The following OPCML variants were observed in gnomAD, a reference collection of about 807,000 sequenced individuals.
OPCML encodes opioid binding protein/cell adhesion molecule like.
A neutral mutation model predicts 37.8 loss-of-function variants in OPCML; 13 were observed. The observed-to-expected ratio is 0.34, with a 90% CI of 0.22 to 0.55. OPCML has a LOEUF of 0.55. Ranked by LOEUF, OPCML falls within the 20% of genes least tolerant of loss-of-function variation. OPCML has a pLI of 0.91. For missense variants in OPCML, 341 were observed against 435.6 expected, an observed-to-expected ratio of 0.78 and a Z score of 1.93; for synonymous variants, 176 against 168.8, an observed-to-expected ratio of 1.04 and a Z score of -0.33.
chr11:133,281,208 C>A (rs1177150611), intron 1 of OPCML, among the ~76,000 whole-genome samples: 1 of 152,172 alleles, frequency 6.6e-6, no homozygotes, highest in Non-Finnish European at 1.5e-5. Flanking sequence ...ATATTTGTCG[C>A]CTCCAAACCT....
In OPCML at chr11:132,436,246, G is replaced by A. The variant is rs549271340; in HGVS notation, c.765-9C>T. Reference sequence around the variant, plus strand: ...CCAGACCAGTGGCTAACCTGCAAGAGGGAAGACATTGCTATCAATTCATTC... The same window carrying A: ...CCAGACCAGTGGCTAACCTGCAAGAAGGAAGACATTGCTATCAATTCATTC... On this transcript the variant is annotated splice_polypyrimidine_tract_variant and intron_variant, in intron 6 of 7. Coordinates refer to ENST00000524381, the MANE Select transcript of OPCML (RefSeq NM_001012393.5). 1 of 1,614,146 alleles carries A rather than the reference G, an allele frequency of 6.2e-7. No individual in the cohort carries two copies. The highest frequency in any genetic ancestry group is 1.1e-5 in the South Asian group (1 of 91,068).
chr11:132,626,623 C>T (rs530839846), intron 3 of OPCML, among the ~76,000 whole-genome samples: 6 of 151,872 alleles, frequency 4.0e-5, no homozygotes, highest in Non-Finnish European at 7.4e-5. Flanking sequence ...CGTGACATGG[C>T]TCAAAGCAAT....
intron 2 of OPCML, among the ~76,000 whole-genome samples, chr11:132,700,743 C>T (rs1206073023): frequency 6.6e-6 from 1 of 152,132 alleles, no homozygotes; most frequent in East Asian, 1.9e-4. Flanking sequence ...TGCTTGGAAA[C>T]AGTGTGCGTT....
intron 1 of OPCML, among the ~76,000 whole-genome samples, chr11:132,990,847 T>C (rs746073808): frequency 5.9e-5 from 9 of 152,212 alleles, no homozygotes; most frequent in African/African-American, 1.2e-4. Flanking sequence ...ACTGGATTAC[T>C]GGGTGGAGTC....
chr11:132,478,005 G>A (rs1161489744), intron 4 of OPCML, among the ~76,000 whole-genome samples: 1 of 152,092 alleles, frequency 6.6e-6, no homozygotes, highest in Non-Finnish European at 1.5e-5. Context: ...TATATGGAGG[G>A]TTTTCAAGTA....
At chr11:132,576,370 T>G (rs1360241069) in intron 3 of OPCML, among the ~76,000 whole-genome samples, 1 of 152,066 alleles carries the variant, frequency 6.6e-6, no homozygotes, top group Admixed American at 6.6e-5. Context: ...ATGACTTGTC[T>G]TAGCATTTGC....
chr11:133,436,247 G>A (rs2136927036), intron 1 of OPCML, among the ~76,000 whole-genome samples: 1 of 152,066 alleles, frequency 6.6e-6, no homozygotes, highest in Admixed American at 6.5e-5. Flanking sequence ...AAAAACCTAG[G>A]AACTGTTTGT....
intron 3 of OPCML, among the ~76,000 whole-genome samples, chr11:132,578,119 C>T (rs1352770131): frequency 6.6e-6 from 1 of 152,116 alleles, no homozygotes; most frequent in Non-Finnish European, 1.5e-5. Flanking sequence ...CATGAATGCC[C>T]CTTCAGGTTG....
intron 1 of OPCML, among the ~76,000 whole-genome samples, chr11:133,010,989 T>C (rs1285121873): frequency 6.6e-6 from 1 of 152,216 alleles, no homozygotes; most frequent in Non-Finnish European, 1.5e-5. Flanking sequence ...GGAAACATAA[T>C]TGGTAGTACA....
intron 2 of OPCML, among the ~76,000 whole-genome samples, chr11:132,729,483 T>C (rs186312734): frequency 6.6e-6 from 1 of 152,282 alleles, no homozygotes; most frequent in East Asian, 1.9e-4. Flanking sequence ...AGGAACAGAA[T>C]GCCAAAAGAT....
chr11:132,557,093 G>A (rs980459514), intron 3 of OPCML, among the ~76,000 whole-genome samples: 22 of 152,150 alleles, frequency 1.4e-4, no homozygotes, highest in African/African-American at 5.3e-4. Flanking sequence ...AGTTGACTGG[G>A]TATCTATGAA....
chr11:132,647,796 C>G (rs1431506924), intron 3 of OPCML, among the ~76,000 whole-genome samples: 2 of 152,078 alleles, frequency 1.3e-5, no homozygotes, highest in African/African-American at 2.4e-5. Flanking sequence ...CAAGGGTCAA[C>G]CGTACTCAGC....
intron 1 of OPCML, among the ~76,000 whole-genome samples, chr11:133,374,921 T>C (rs1174872620): frequency 6.6e-6 from 1 of 152,190 alleles, no homozygotes; most frequent in Non-Finnish European, 1.5e-5. Flanking sequence ...CGTCACTTTA[T>C]GTGTAAGACT....
chr11:132,631,577 A>AG (rs1940131944), intron 3 of OPCML, among the ~76,000 whole-genome samples: 1 of 150,836 alleles, frequency 6.6e-6, no homozygotes, highest in Non-Finnish European at 1.5e-5. Context: ...CGCCTGCCTC[A>AG]GCCTCCCGAG....
chr11:133,496,368 G>C (rs1481666958), intron 1 of OPCML, among the ~76,000 whole-genome samples: 2 of 152,136 alleles, frequency 1.3e-5, no homozygotes, highest in East Asian at 3.9e-4. Context: ...GCTTAATCTT[G>C]CTTTGGCTAT....
intron 4 of OPCML, among the ~76,000 whole-genome samples, chr11:132,522,549 C>T (rs2096296497): frequency 6.6e-6 from 1 of 152,220 alleles, no homozygotes; most frequent in East Asian, 1.9e-4. Context: ...GGCACAACTA[C>T]AGTTCAGAAA....
chr11:133,320,391 C>T (rs1449033321), intron 1 of OPCML, among the ~76,000 whole-genome samples: 4 of 152,132 alleles, frequency 2.6e-5, no homozygotes, highest in African/African-American at 4.8e-5. Flanking sequence ...GCCACTTATC[C>T]TGCGTGAGGC....
chr11:132,585,702 A>T (rs2096471157), intron 3 of OPCML, among the ~76,000 whole-genome samples: 1 of 152,188 alleles, frequency 6.6e-6, no homozygotes, highest in Non-Finnish European at 1.5e-5. Flanking sequence ...GCCAAGAGAG[A>T]TGAGTTCTGC....
intron 4 of OPCML, among the ~76,000 whole-genome samples, chr11:132,484,145 A>G (rs2096191210): frequency 6.6e-6 from 1 of 152,094 alleles, no homozygotes; most frequent in African/African-American, 2.4e-5. Flanking sequence ...ACAGAATGGG[A>G]GGAAATTTTT....
Sources: allele counts gnomAD v4.1 joint callset (sites outside exome capture counted in the v4.1 genomes callset), GRCh38; gene constraint gnomAD v4.1.1; transcripts MANE v1.5; gene names NCBI Gene and HGNC (gene_info 2026-07-23, HGNC 2026-07-21).